SUPT3H: variants seen among roughly 807,000 people sequenced by gnomAD.
SUPT3H encodes SPT3 homolog, SAGA and STAGA complex component.
In SUPT3H, 44 loss-of-function variants were observed where a neutral mutation model predicts 44.3. The ratio of observed to expected loss-of-function variants is 0.99; its 90% CI spans 0.78 to 1.28. The LOEUF (loss-of-function observed/expected upper bound fraction) is 1.28, where lower values mean the gene tolerates loss of function less well. Among genes scored for constraint, SUPT3H ranks in the 50% most tolerant of loss-of-function variants. The pLI is 0.00. For synonymous variants in SUPT3H, 124 were observed against 125.6 expected, an observed-to-expected ratio of 0.99 and a Z score of 0.09; for missense variants, 380 against 387.1, an observed-to-expected ratio of 0.98 and a Z score of 0.15.
chr6:45,307,000 C>T (rs966379611), intron 2 of SUPT3H, among the ~76,000 whole-genome samples: 3 of 152,236 alleles, frequency 2.0e-5, no homozygotes, highest in Non-Finnish European at 4.4e-5. Flanking sequence ...AGGTCCCAGG[C>T]CCACGGAGCC....
rs569552376 is a variant in SUPT3H at position 45,296,881 on chromosome 6, G to A, written c.101+68320C>T. On this transcript the variant is annotated intron_variant, in intron 2 of 10. Coordinates refer to ENST00000371459, the MANE Select transcript of SUPT3H (RefSeq NM_003599.4). ...ACCACCTGTGCCCCGTGGAGATCAT[G>A]CCACTGCACTCTGCATTCCAGCCTG... Among the ~76,000 whole-genome samples, 4 of 149,084 alleles carry A rather than the reference G, an allele frequency of 2.7e-5. No homozygotes were observed. In the South Asian group the frequency reaches 8.5e-4, roughly 32 times the overall value.
intron 2 of SUPT3H, among the ~76,000 whole-genome samples, chr6:45,311,260 G>T (rs1783905761): frequency 6.6e-6 from 1 of 152,142 alleles, no homozygotes; most frequent in African/African-American, 2.4e-5. Flanking sequence ...AACCCTCCAA[G>T]AAGTTTGGGA....
chr6:45,302,461 T>C (rs1345480504), intron 2 of SUPT3H, among the ~76,000 whole-genome samples: 1 of 120,460 alleles, frequency 8.3e-6, no homozygotes, highest in African/African-American at 2.7e-5. Context: ...TAGTATTCCA[T>C]ATATACATAT....
rs866393708 is a variant in SUPT3H at position 45,315,930 on chromosome 6, T to C, written c.101+49271A>G. The stretch of plus-strand genomic sequence containing the variant: ...AAAGAAGCTCAGATAGACAGATAGA[T>C]AGATAGATAGATAGATAGATAGATA... On this transcript the variant is annotated intron_variant, in intron 2 of 10. Coordinates refer to ENST00000371459, the MANE Select transcript of SUPT3H (RefSeq NM_003599.4). Among the ~76,000 whole-genome samples the C allele has an allele frequency of 1.8e-3, 228 of 125,916 alleles. 1 individual carries two copies. The highest frequency in any genetic ancestry group is 8.5e-3 in the Middle Eastern group (2 of 236). 82.6% of individuals were successfully genotyped at this position (125,916 alleles called of 152,430 possible).
chr6:45,176,390 G>A (rs1344316880), intron 2 of SUPT3H, among the ~76,000 whole-genome samples: 7 of 152,124 alleles, frequency 4.6e-5, no homozygotes, highest in Non-Finnish European at 7.4e-5. Flanking sequence ...GGCGAACCAT[G>A]AGATTATATC....
At chr6:45,225,152 G>A (rs1766723417) in intron 2 of SUPT3H, among the ~76,000 whole-genome samples, 2 of 151,508 alleles carry the variant, frequency 1.3e-5, no homozygotes, top group Admixed American at 6.6e-5. Context: ...GGTGGCATGC[G>A]TCTGTAATCT....
At chr6:44,820,847 A>G (rs1767255389) in intron 11 of SUPT3H, among the ~76,000 whole-genome samples, 1 of 152,106 alleles carries the variant, frequency 6.6e-6, no homozygotes, top group Non-Finnish European at 1.5e-5. Flanking sequence ...GGTCTTATAG[A>G]GAAAGTGATT....
chr6:45,285,582 T>G (rs1032644013), intron 2 of SUPT3H, among the ~76,000 whole-genome samples: 24 of 151,892 alleles, frequency 1.6e-4, no homozygotes, highest in East Asian at 5.8e-4. Context: ...CACTGCTCAA[T>G]GAAATAAAAG....
At chr6:44,877,460 C>G (rs1777496059) in intron 10 of SUPT3H, among the ~76,000 whole-genome samples, 1 of 117,560 alleles carries the variant, frequency 8.5e-6, no homozygotes, top group Non-Finnish European at 1.8e-5. Flanking sequence ...CAGAGTGAGA[C>G]TCAGTCTCAA....
intron 2 of SUPT3H, among the ~76,000 whole-genome samples, chr6:45,286,572 C>A (rs1779318013): frequency 6.6e-6 from 1 of 152,100 alleles, no homozygotes; most frequent in African/African-American, 2.4e-5. Context: ...GAATGGCGAT[C>A]ATTAAAAACT....
intron 3 of SUPT3H, among the ~76,000 whole-genome samples, chr6:45,081,748 T>C (rs947132603): frequency 1.3e-5 from 2 of 152,028 alleles, no homozygotes; most frequent in Admixed American, 6.6e-5. Context: ...ACCTTAAGAG[T>C]GGCAATAAAA....
At chr6:45,225,278 TA>T (rs11333549) in intron 2 of SUPT3H, among the ~76,000 whole-genome samples, 114,816 of 132,120 alleles carry the variant, frequency 0.87, 49,831 homozygotes, top group East Asian at 0.99. Flanking sequence ...AAACTCCATC[TA>T]AAAAAAAAAA....
chr6:45,019,758 C>G (rs1476984952), intron 4 of SUPT3H, among the ~76,000 whole-genome samples: 3 of 151,990 alleles, frequency 2.0e-5, no homozygotes, highest in Non-Finnish European at 1.5e-5. Flanking sequence ...ACAGTCTCTC[C>G]ATCTAATCAT....
intron 10 of SUPT3H, among the ~76,000 whole-genome samples, chr6:44,874,804 C>G (rs1411654123): frequency 7.4e-6 from 1 of 134,884 alleles, no homozygotes; most frequent in East Asian, 2.1e-4. Flanking sequence ...TCAGCAAAGT[C>G]TCAGGATACA....
At chr6:45,290,604 CTT>C (rs1780164739) in intron 2 of SUPT3H, among the ~76,000 whole-genome samples, 1 of 152,124 alleles carries the variant, frequency 6.6e-6, no homozygotes, top group African/African-American at 2.4e-5. Flanking sequence ...TATGATCTCT[CTT>C]TTAAAAATAT....
chr6:45,022,039 T>G (rs1434910786), intron 3 of SUPT3H, among the ~76,000 whole-genome samples: 1 of 152,042 alleles, frequency 6.6e-6, no homozygotes, highest in African/African-American at 2.4e-5. Context: ...GAAATATATG[T>G]GCACATGCTT....
intron 3 of SUPT3H, among the ~76,000 whole-genome samples, chr6:45,031,995 C>G (rs1289245181): frequency 1.3e-5 from 2 of 152,118 alleles, no homozygotes; most frequent in East Asian, 1.9e-4. Flanking sequence ...TATTTGAAAG[C>G]CAAAGACAGT....
Position 45,328,766 on chromosome 6 carries a change from C to A in SUPT3H, c.101+36435G>T, listed in dbSNP as rs768149057. 28 of 1,611,994 alleles carry A rather than the reference C, an allele frequency of 1.7e-5. No individual in the cohort carries two copies. Among genetic ancestry groups the A allele is most frequent in the Non-Finnish European group, 2.3e-5 (27 of 1,178,696 alleles). On this transcript the variant is annotated intron_variant, in intron 2 of 10. Transcript: ENST00000371459. ...CCTCTTCAGCACAGTGACACCATGTCAGCAAAACTTCTTTTGGGGTAAGTG... is the reference window on the plus strand; with the variant it reads ...CCTCTTCAGCACAGTGACACCATGTAAGCAAAACTTCTTTTGGGGTAAGTG...
At chr6:45,105,342 C>G (rs954003686) in intron 3 of SUPT3H, among the ~76,000 whole-genome samples, 4 of 152,106 alleles carry the variant, frequency 2.6e-5, no homozygotes, top group African/African-American at 9.7e-5. Context: ...AAACATGGTA[C>G]AGGCATACCT....
Sources: allele counts gnomAD v4.1 joint callset (sites outside exome capture counted in the v4.1 genomes callset), GRCh38; gene constraint gnomAD v4.1.1; transcripts MANE v1.5; gene names NCBI Gene and HGNC (gene_info 2026-07-23, HGNC 2026-07-21).